L3MBTL4: variants seen among roughly 807,000 people sequenced by gnomAD.
L3MBTL4 encodes lethal(3)malignant brain tumor-like protein 4.
In L3MBTL4, 70 loss-of-function variants were observed where a neutral mutation model predicts 84.5. The observed-to-expected ratio is 0.83, with a 90% CI of 0.68 to 1.01. The LOEUF (loss-of-function observed/expected upper bound fraction) is 1.01. Among genes scored for constraint, L3MBTL4 ranks in the 50% least tolerant of loss-of-function variants. The pLI is 0.00. For missense variants in L3MBTL4, 715 were observed against 754.8 expected (o/e 0.95, Z 0.62); for synonymous variants, 274 against 259.8 (o/e 1.05, Z -0.52).
chr18:6,387,437 T>C (rs763236123), intron 1 of L3MBTL4, among the ~76,000 whole-genome samples: 4 of 152,132 alleles, frequency 2.6e-5, no homozygotes, highest in Non-Finnish European at 5.9e-5. Context: ...AAAAATCTAG[T>C]ATGAGTGAAA....
At chr18:6,034,433 T>A (rs530083044) in intron 16 of L3MBTL4, among the ~76,000 whole-genome samples, 65 of 152,346 alleles carry the variant, frequency 4.3e-4, no homozygotes, top group African/African-American at 1.5e-3. Flanking sequence ...TTACTGAGAA[T>A]GATGATTTGC....
intron 4 of L3MBTL4, among the ~76,000 whole-genome samples, chr18:6,272,109 G>A (rs573043559): frequency 6.6e-6 from 1 of 152,188 alleles, no homozygotes; most frequent in African/African-American, 2.4e-5. Context: ...CAGTTCTTCC[G>A]TTGAGGGAAA....
chr18:6,349,986 T>C (rs1162759205), intron 1 of L3MBTL4, among the ~76,000 whole-genome samples: 9 of 152,222 alleles, frequency 5.9e-5, no homozygotes, highest in African/African-American at 2.2e-4. Context: ...TTTGTGTATG[T>C]CATAGTTTAA....
intron 13 of L3MBTL4, among the ~76,000 whole-genome samples, chr18:6,158,491 T>A (rs947353930): frequency 1.4e-4 from 21 of 152,058 alleles, no homozygotes; most frequent in African/African-American, 4.8e-4. Context: ...GAGAAAGGAA[T>A]AAGCGTAGTG....
intron 16 of L3MBTL4, among the ~76,000 whole-genome samples, chr18:6,056,749 G>A (rs1371769068): frequency 6.6e-6 from 1 of 152,108 alleles, no homozygotes; most frequent in Non-Finnish European, 1.5e-5. Flanking sequence ...GGTAGGCCAT[G>A]GGGGAAAAGC....
At chr18:6,007,326 T>C (rs559096798) in intron 16 of L3MBTL4, among the ~76,000 whole-genome samples, 32 of 98,196 alleles carry the variant, frequency 3.3e-4, no homozygotes, top group African/African-American at 7.9e-4. Flanking sequence ...CTTAAACATA[T>C]GAAAAAAATG....
intron 1 of L3MBTL4, among the ~76,000 whole-genome samples, chr18:6,322,528 A>G (rs74859914): frequency 0.011 from 1,704 of 151,984 alleles, 28 homozygotes; most frequent in African/African-American, 0.04. Flanking sequence ...AAACAAACAA[A>G]CAGTATATCA....
At chr18:6,186,002 A>ATTATTT (rs542901226) in intron 12 of L3MBTL4, among the ~76,000 whole-genome samples, 1 of 134,184 alleles carries the variant, frequency 7.5e-6, no homozygotes, top group African/African-American at 3.8e-5. Flanking sequence ...TTATTATTTT[A>ATTATTT]TATTTTATTT....
chr18:6,071,812 A>G (rs1385292904), intron 16 of L3MBTL4, among the ~76,000 whole-genome samples: 4 of 129,574 alleles, frequency 3.1e-5, no homozygotes, highest in Admixed American at 7.6e-5. Context: ...AAAAAGAAAG[A>G]AAGGAAAGAA....
intron 1 of L3MBTL4, among the ~76,000 whole-genome samples, chr18:6,351,696 C>T (rs1475177681): frequency 6.6e-6 from 1 of 151,948 alleles, no homozygotes; most frequent in African/African-American, 2.4e-5. Context: ...GGACCACAGG[C>T]GCCTGCCACC....
chr18:6,320,659 C>T (rs1402030252), intron 1 of L3MBTL4, among the ~76,000 whole-genome samples: 3 of 152,036 alleles, frequency 2.0e-5, no homozygotes, highest in Non-Finnish European at 4.4e-5. Flanking sequence ...TGAAAATGAC[C>T]ATACTGCTCA....
At chr18:5,994,495 C>T (rs944895847) in intron 16 of L3MBTL4, among the ~76,000 whole-genome samples, 1 of 152,176 alleles carries the variant, frequency 6.6e-6, no homozygotes, top group African/African-American at 2.4e-5. Flanking sequence ...ATTATCAGCC[C>T]CATTACGAGG....
intron 1 of L3MBTL4, among the ~76,000 whole-genome samples, chr18:6,333,694 C>G (rs1165436981): frequency 6.8e-6 from 1 of 147,048 alleles, no homozygotes; most frequent in Non-Finnish European, 1.5e-5. Flanking sequence ...TAGCTCCAGC[C>G]GTAAGAGAAC....
intron 16 of L3MBTL4, among the ~76,000 whole-genome samples, chr18:6,038,394 T>C (rs1014847285): frequency 2.0e-5 from 3 of 151,824 alleles, no homozygotes; most frequent in Non-Finnish European, 2.9e-5. Flanking sequence ...GTTGGGACTA[T>C]AGGCGTCCGC....
chr18:6,365,512 C>T (rs1379619793), intron 1 of L3MBTL4, among the ~76,000 whole-genome samples: 1 of 152,170 alleles, frequency 6.6e-6, no homozygotes, highest in Non-Finnish European at 1.5e-5. Context: ...TGAAAACAGA[C>T]ATTTTAGCCA....
chr18:6,072,217 CACATTTTTTCAGGAATCAAA>C (rs1246589696), intron 16 of L3MBTL4, among the ~76,000 whole-genome samples: 1 of 151,986 alleles, frequency 6.6e-6, no homozygotes, highest in African/African-American at 2.4e-5. Flanking sequence ...AGGACTTTAA[CACATTTTTTCAGGAATCAAA>C]TGAATAAGCA....
chr18:6,179,756 T>C (rs531348549), intron 12 of L3MBTL4, among the ~76,000 whole-genome samples: 4 of 152,224 alleles, frequency 2.6e-5, no homozygotes, highest in East Asian at 1.9e-4. Context: ...GCCTCCCAAA[T>C]AGCTGGAACT....
intron 13 of L3MBTL4, among the ~76,000 whole-genome samples, chr18:6,150,964 C>T (rs1273334828): frequency 6.6e-6 from 1 of 152,184 alleles, no homozygotes; most frequent in East Asian, 1.9e-4. Context: ...TGCCAGGGAC[C>T]GCACGGAGTG....
chr18:6,308,440 C>G (rs1008591754), intron 3 of L3MBTL4, among the ~76,000 whole-genome samples: 1 of 151,992 alleles, frequency 6.6e-6, no homozygotes, highest in Non-Finnish European at 1.5e-5. Flanking sequence ...GTGATAGTAC[C>G]TATGAATGAA....
Sources: allele counts gnomAD v4.1 joint callset (sites outside exome capture counted in the v4.1 genomes callset), GRCh38; gene constraint gnomAD v4.1.1; transcripts MANE v1.5; gene names NCBI Gene and HGNC (gene_info 2026-07-23, HGNC 2026-07-21).